ADSL: variants seen among roughly 807,000 people sequenced by gnomAD.
ADSL encodes the protein adenylosuccinate lyase.
ADSL carries 44 observed loss-of-function variants against 62.1 expected under a neutral mutation model. The ratio of observed to expected loss-of-function variants is 0.71; its 90% CI spans 0.56 to 0.91. The LOEUF (loss-of-function observed/expected upper bound fraction) is 0.91, where lower values mean the gene tolerates loss of function less well. Among genes scored for constraint, ADSL ranks in the 40% least tolerant of loss-of-function variants. The pLI is 0.00. For missense variants in ADSL, 531 were observed against 627.4 expected (o/e 0.85, Z 1.64); for synonymous variants, 198 against 220.5 (o/e 0.90, Z 0.90).
downstream of ADSL, chr22:40,370,746 CG>C: frequency 6.5e-6 from 1 of 152,680 alleles, no homozygotes; most frequent in Non-Finnish European, 1.5e-5. Flanking sequence ...TCCCCTCAGG[CG>C]GGGGCTGCGG....
At chr22:40,355,868 T>A (rs1245420875) in intron 4 of ADSL, among the ~76,000 whole-genome samples, 2 of 152,062 alleles carry the variant, frequency 1.3e-5, no homozygotes, top group Non-Finnish European at 2.9e-5. Flanking sequence ...AAATTCCATT[T>A]GGAATAGGTT....
chr22:40,371,687 T>C (rs1234443307), downstream of ADSL, among the ~76,000 whole-genome samples: 1 of 152,018 alleles, frequency 6.6e-6, no homozygotes, highest in African/African-American at 2.4e-5. Context: ...TTGTAATTCT[T>C]CTTTTCTTTT....
At chr22:40,387,230 A>G in intron 2 of ADSL, 1 of 398,536 alleles carries the variant, frequency 2.5e-6, no homozygotes, top group African/African-American at 2.1e-5. Context: ...TTTCCTTCTG[A>G]TACCTCCGTC....
At chr22:40,357,530 G>C (rs2044612819) in intron 4 of ADSL, among the ~76,000 whole-genome samples, 1 of 152,112 alleles carries the variant, frequency 6.6e-6, no homozygotes. Flanking sequence ...TGGAATTACA[G>C]GCATGAGCCA....
At position 40,353,352 on chromosome 22, in the gene ADSL, G is replaced by A. The variant is rs561243116; in HGVS notation, c.402+235G>A. Reference sequence around the variant, plus strand: ...AGCCAGAGTCTCATTCTGTCAAGGGGCGTGATCAAGGCTTATTGCAACCTC... The same window carrying A: ...AGCCAGAGTCTCATTCTGTCAAGGGACGTGATCAAGGCTTATTGCAACCTC... On this transcript the variant is annotated intron_variant, in intron 3 of 12. Transcript: ENST00000623063. 3.3e-5 allele frequency: 23 copies of A among 702,764 alleles called. No homozygotes were observed. The African/African-American group carries it at 3.5e-4, about 11-fold the overall frequency. The allele number at this position is 702,764 out of a possible 1,614,324, so 43.5% of individuals were successfully genotyped here.
At chr22:40,365,207 G>T in intron 12 of ADSL, 151 bp downstream of exon 12, 1 of 896,296 alleles carries the variant, frequency 1.1e-6, no homozygotes, top group Non-Finnish European at 1.7e-6. Context: ...TTTCGGTTTT[G>T]TTTCTGTTTT....
intron 4 of ADSL, 57 bp downstream of exon 4, chr22:40,354,384 G>A: frequency 7.3e-7 from 1 of 1,362,494 alleles, no homozygotes; most frequent in Non-Finnish European, 1.1e-6. Context: ...TGCTTCTTGA[G>A]TTCTCTGTTT....
At chr22:40,377,027 C>G (rs2046745584) in intron 2 of ADSL, among the ~76,000 whole-genome samples, 1 of 152,176 alleles carries the variant, frequency 6.6e-6, no homozygotes, top group African/African-American at 2.4e-5. Context: ...AGCATGTGTG[C>G]AGACAGTGCC....
chr22:40,368,704 A>G lies in ADSL; in HGVS notation c.*2182A>G, dbSNP rs577422149. ...CACTTTGGGAGGCCGAGGCAGGTGG[A>G]TCACCTGAGGTCAGGAGTTCGAGAC... On this transcript the variant is annotated 3_prime_UTR_variant, in exon 13 of 13. Transcript: ENST00000623063. 1 of 152,360 alleles carries G rather than the reference A, an allele frequency of 6.6e-6. No homozygotes were observed. The highest frequency in any genetic ancestry group is 1.5e-5 in the Non-Finnish European group (1 of 68,094). The allele number at this position is 152,360 out of a possible 1,614,324, so 9.4% of individuals were successfully genotyped here. A position where few individuals can be genotyped will look rare whatever the true frequency, so the allele number is the denominator to read the frequency against.
intron 4 of ADSL, among the ~76,000 whole-genome samples, chr22:40,358,025 G>A (rs542587449): frequency 1.3e-5 from 2 of 151,798 alleles, no homozygotes; most frequent in East Asian, 2.0e-4. Flanking sequence ...TGATCCCCCC[G>A]TCTCAGCCTC....
At chr22:40,366,252 A>G (rs533419047) in intron 12 of ADSL, among the ~76,000 whole-genome samples, 184 bp from the exon 13 acceptor site, 4 of 152,340 alleles carry the variant, frequency 2.6e-5, no homozygotes, top group East Asian at 1.9e-4. Flanking sequence ...GCATGTGGGC[A>G]TGGTGGTTGA....
intron 2 of ADSL, chr22:40,378,219 C>G (rs1203252051): frequency 1.3e-5 from 2 of 151,790 alleles, no homozygotes; most frequent in Non-Finnish European, 2.9e-5. Context: ...CGCTTGAGGC[C>G]AAGAGTTTGA....
In ADSL at chr22:40,364,291, A is replaced by G. The variant is rs775475956; in HGVS notation, c.1117A>G (p.Ile373Val). ...VVYPKVIERR[I>V]RQELPFMATE... ...TTTCCTATAGGTAATTGAACGGCGC[A>G]TTCGGCAAGAGCTGCCTTTCATGGC... Residue 373 changes from isoleucine to valine, a missense_variant, in exon 11 of 13, where the codon ATT (isoleucine) becomes GTT (valine). Around this residue, in one of 2 missense-constraint regions of ADSL, gnomAD observed 471 missense variants for 592.9 expected, o/e 0.79. Coordinates refer to ENST00000623063, the MANE Select transcript of ADSL (RefSeq NM_000026.4). The G allele has an allele frequency of 6.2e-7, 1 of 1,614,016 alleles. No individual in the cohort carries two copies. The highest frequency in any genetic ancestry group is 8.5e-7 in the Non-Finnish European group (1 of 1,180,030).
chr22:40,363,954 G>C (rs2044894050), intron 10 of ADSL, among the ~76,000 whole-genome samples: 1 of 152,072 alleles, frequency 6.6e-6, no homozygotes, highest in Admixed American at 6.5e-5. Context: ...GCGGGCGCCT[G>C]TAGTCCCAGC....
intron 2 of ADSL, among the ~76,000 whole-genome samples, chr22:40,385,628 C>T (rs1445967205): frequency 2.0e-5 from 3 of 152,078 alleles, no homozygotes; most frequent in African/African-American, 4.8e-5. Flanking sequence ...AGCTGAGCTT[C>T]GTTAAAGCTG....
Position 40,384,597 on chromosome 22 carries a change from G to T in ADSL, c.90-5633G>T, listed in dbSNP as rs567574493. 2.6e-4 allele frequency among the ~76,000 whole-genome samples: 39 copies of T among 152,154 alleles called. 2 individuals carry two copies. The South Asian group carries it at 4.4e-3, about 17-fold the overall frequency. On this transcript the variant is annotated intron_variant, in intron 2 of 2. Coordinates refer to the ADSL transcript ENST00000498234. ...AGATCGAGACCATCCTGGCTAACAC[G>T]GTGAAACCCTGTCTCTACTAAAAAT...
chr22:40,364,429 G>C (rs1332368471), intron 11 of ADSL, 64 bp downstream of exon 11: 2 of 1,374,662 alleles, frequency 1.5e-6, no homozygotes, highest in Non-Finnish European at 2.1e-6. Flanking sequence ...TCTCTTCTCC[G>C]TGAAGGAGAG....
At chr22:40,366,360 C>T (rs954282660) in intron 12 of ADSL, 76 bp from the exon 13 acceptor site, 8 of 1,067,958 alleles carry the variant, frequency 7.5e-6, no homozygotes, top group Admixed American at 1.8e-5. Flanking sequence ...CAGTGGTATC[C>T]CCTGACATTG....
At chr22:40,346,781 T>C in intron 1 of ADSL, 70 bp downstream of exon 1, 2 of 1,508,150 alleles carry the variant, frequency 1.3e-6, no homozygotes, top group Admixed American at 3.9e-5. Context: ...CGGGCTCTGT[T>C]CCGGGCTGGG....
Sources: allele counts gnomAD v4.1 joint callset (sites outside exome capture counted in the v4.1 genomes callset), GRCh38; gene constraint gnomAD v4.1.1; regional missense constraint gnomAD v4.1.1; transcripts MANE v1.5; gene names NCBI Gene and HGNC (gene_info 2026-07-23, HGNC 2026-07-21).